The following C14orf132 variants were observed in gnomAD, a reference collection of about 807,000 sequenced individuals.
C14orf132 encodes the protein chromosome 14 open reading frame 132.
C14orf132 carries 6 observed loss-of-function variants against 5.8 expected under a neutral mutation model. That is an observed-to-expected ratio of 1.03 (90% CI 0.57 to 2.04). The LOEUF (loss-of-function observed/expected upper bound fraction) is 2.04. Ranked by LOEUF, C14orf132 falls within the 30% of genes most tolerant of loss-of-function variation. C14orf132 has a pLI of 0.00. For synonymous variants in C14orf132, 51 were observed against 49.8 expected, an observed-to-expected ratio of 1.02 and a Z score of -0.10; for missense variants, 125 against 115.8, an observed-to-expected ratio of 1.08 and a Z score of -0.37.
At chr14:96,058,827 C>CG (rs923632418) in intron 1 of C14orf132, among the ~76,000 whole-genome samples, 45 of 152,306 alleles carry the variant, frequency 3.0e-4, no homozygotes, top group African/African-American at 1.1e-3. Context: ...GGGAACAGCT[C>CG]GGGGGCTATC....
intron 1 of C14orf132, among the ~76,000 whole-genome samples, chr14:96,072,440 G>C (rs1050225549): frequency 6.6e-6 from 1 of 152,182 alleles, no homozygotes; most frequent in Non-Finnish European, 1.5e-5. Flanking sequence ...CGCCGGGCTT[G>C]CCACAGTGCC....
chr14:96,047,838 TC>T (rs1886874227), intron 1 of C14orf132, among the ~76,000 whole-genome samples: 1 of 152,074 alleles, frequency 6.6e-6, no homozygotes, highest in Non-Finnish European at 1.5e-5. Flanking sequence ...ACCATCAGCA[TC>T]CCCACCGGAG....
At chr14:96,073,293 A>T (rs756437515) in intron 1 of C14orf132, among the ~76,000 whole-genome samples, 1 of 152,192 alleles carries the variant, frequency 6.6e-6, no homozygotes, top group Non-Finnish European at 1.5e-5. Flanking sequence ...GTTCAGTGAC[A>T]TATCTCCTAT....
At position 96,090,537 on chromosome 14, in the gene C14orf132, C is replaced by A; in HGVS notation, c.*3802C>A. 1 of 448,774 alleles carries A rather than the reference C, an allele frequency of 2.2e-6. No homozygotes were observed. Among genetic ancestry groups the A allele is most frequent in the Non-Finnish European group, 4.5e-6 (1 of 222,196 alleles). The allele number at this position is 448,774 out of a possible 1,614,324, so 27.8% of individuals were successfully genotyped here. A position where few individuals can be genotyped will look rare whatever the true frequency, so the allele number is the denominator to read the frequency against. ...AAGAGGACTTGTGCTTCCAGGGACC[C>A]AGGCAGGATGATGGCGCAGCTCTTC... is the stretch of plus-strand genomic sequence containing the variant. On this transcript the variant is annotated 3_prime_UTR_variant, in exon 2 of 2. Coordinates refer to ENST00000555004, the MANE Select transcript of C14orf132 (RefSeq NM_001252507.3).
At chr14:96,056,768 T>C (rs1467926588) in intron 1 of C14orf132, among the ~76,000 whole-genome samples, 1 of 152,148 alleles carries the variant, frequency 6.6e-6, no homozygotes, top group Admixed American at 6.5e-5. Flanking sequence ...GAAAAACTCC[T>C]GGAGTTGCAG....
At chr14:96,053,143 G>A (rs1039010397) in intron 1 of C14orf132, among the ~76,000 whole-genome samples, 1 of 152,120 alleles carries the variant, frequency 6.6e-6, no homozygotes, top group Non-Finnish European at 1.5e-5. Context: ...AGGCTTTTTG[G>A]ATCTCACTGT....
In C14orf132 at chr14:96,062,458, A is replaced by G. The variant is rs566211543; in HGVS notation, c.27+22931A>G. On this transcript the variant is annotated intron_variant, in intron 1 of 1. Coordinates refer to ENST00000555004, the MANE Select transcript of C14orf132 (RefSeq NM_001252507.3). Reference sequence around the variant, plus strand: ...GGATCTTCGTGTTTTCCTTTCGTCAATCTACTTTCTCTCTCCCCTGCCTTT... The same window carrying G: ...GGATCTTCGTGTTTTCCTTTCGTCAGTCTACTTTCTCTCTCCCCTGCCTTT... Among the ~76,000 whole-genome samples the G allele has an allele frequency of 2.6e-5, 4 of 152,212 alleles. No homozygotes were observed. In the South Asian group the frequency reaches 6.2e-4, roughly 24 times the overall value.
At chr14:96,046,272 T>C (rs1422342222) in intron 1 of C14orf132, among the ~76,000 whole-genome samples, 1 of 152,198 alleles carries the variant, frequency 6.6e-6, no homozygotes, top group Non-Finnish European at 1.5e-5. Flanking sequence ...AGGGACAGAA[T>C]GGATGGTCAT....
At chr14:96,066,812 CATGTA>C (rs1887544757) in intron 1 of C14orf132, among the ~76,000 whole-genome samples, 1 of 152,058 alleles carries the variant, frequency 6.6e-6, no homozygotes, top group South Asian at 2.1e-4. Flanking sequence ...TACTATAATA[CATGTA>C]ATGTAGTAAA....
intron 1 of C14orf132, chr14:96,051,229 T>A: frequency 2.5e-6 from 1 of 398,684 alleles, no homozygotes; most frequent in Admixed American, 4.4e-5. Context: ...CCAGGTATCC[T>A]GTGACAGGAT....
intron 1 of C14orf132, among the ~76,000 whole-genome samples, chr14:96,049,640 GTATAT>G (rs1886966527): frequency 6.7e-5 from 3 of 44,578 alleles, no homozygotes; most frequent in Non-Finnish European, 1.2e-4. Flanking sequence ...ACATATATAC[GTATAT>G]ATATATATAG....
At chr14:96,055,446 G>C (rs1422221490) in intron 1 of C14orf132, among the ~76,000 whole-genome samples, 2 of 152,160 alleles carry the variant, frequency 1.3e-5, no homozygotes, top group African/African-American at 2.4e-5. Flanking sequence ...GTCCAGAACA[G>C]AGACTATCAA....
chr14:96,045,843 T>C (rs1007492261), intron 1 of C14orf132, among the ~76,000 whole-genome samples: 23 of 152,230 alleles, frequency 1.5e-4, no homozygotes, highest in Non-Finnish European at 1.0e-4. Context: ...GGGACCAGAA[T>C]TGAGGAAGGG....
At position 96,055,635 on chromosome 14, in the gene C14orf132, C is replaced by T. The variant is rs527648277; in HGVS notation, c.27+16108C>T. On this transcript the variant is annotated intron_variant, in intron 1 of 1. Coordinates refer to ENST00000555004, the MANE Select transcript of C14orf132 (RefSeq NM_001252507.3). Reference sequence around the variant, plus strand: ...TGAACCTCTCTGATCCTCCGTTTTCCGCAGCCTGTAAGAGGAGGTATAATT... The same window carrying T: ...TGAACCTCTCTGATCCTCCGTTTTCTGCAGCCTGTAAGAGGAGGTATAATT... Among the ~76,000 whole-genome samples the T allele has an allele frequency of 7.9e-5, 12 of 152,258 alleles. No homozygotes were observed. The South Asian group carries it at 1.9e-3, about 24-fold the overall frequency.
intron 1 of C14orf132, among the ~76,000 whole-genome samples, chr14:96,081,866 C>T (rs1888040551): frequency 6.6e-6 from 1 of 152,150 alleles, no homozygotes; most frequent in African/African-American, 2.4e-5. Flanking sequence ...TCCCAAAGTG[C>T]TGGGATTACA....
intron 1 of C14orf132, among the ~76,000 whole-genome samples, chr14:96,082,942 T>C (rs1000557241): frequency 7.2e-5 from 11 of 152,280 alleles, no homozygotes; most frequent in African/African-American, 2.4e-4. Flanking sequence ...AGCTCCACCA[T>C]ATGTGGCAAA....
chr14:96,073,370 C>G (rs1472058296), intron 1 of C14orf132, among the ~76,000 whole-genome samples: 1 of 151,956 alleles, frequency 6.6e-6, no homozygotes, highest in Non-Finnish European at 1.5e-5. Context: ...AAAAAGTGGG[C>G]AAAGGACATG....
At chr14:96,071,203 C>T (rs567371636) in intron 1 of C14orf132, among the ~76,000 whole-genome samples, 1 of 152,236 alleles carries the variant, frequency 6.6e-6, no homozygotes, top group South Asian at 2.1e-4. Context: ...AGGAGACGTG[C>T]TGAGCAAAAG....
Position 96,088,113 on chromosome 14 carries a change from GA to G in C14orf132, c.*1381del, listed in dbSNP as rs1888261884. ...TGTCAATAACACCCTCTGTAGTGGA[GA>G]AACTTAAAAAGCTGGTTAGGAAGCT... On this transcript the variant is annotated 3_prime_UTR_variant, in exon 2 of 2. Coordinates refer to ENST00000555004, the MANE Select transcript of C14orf132 (RefSeq NM_001252507.3). The G allele has an allele frequency of 6.6e-6, 1 of 152,186 alleles. No homozygotes were observed. The highest frequency in any genetic ancestry group is 1.5e-5 in the Non-Finnish European group (1 of 68,052). 9.4% of individuals were successfully genotyped at this position (152,186 alleles called of 1,614,324 possible).
Sources: gnomAD v4.1 joint callset for allele counts (sites outside exome capture counted in the v4.1 genomes callset) on GRCh38, gnomAD v4.1.1 for gene constraint, MANE v1.5 for transcripts, NCBI Gene and HGNC (gene_info 2026-07-23, HGNC 2026-07-21) for gene names.